Variants in BACH2 observed in about 807,000 individuals in gnomAD.
BACH2 encodes the protein BACH transcriptional regulator 2.
Under a neutral mutation model 61.8 loss-of-function variants are expected in BACH2, and 5 were observed. The observed-to-expected ratio is 0.08, with a 90% CI of 0.04 to 0.17. BACH2 has a LOEUF of 0.17. Among genes scored for constraint, BACH2 ranks in the 10% least tolerant of loss-of-function variants. The pLI is 1.00. For synonymous variants in BACH2, 446 were observed against 440.1 expected (o/e 1.01, Z -0.17); for missense variants, 824 against 1,091.1 (o/e 0.76, Z 3.45).
chr6:90,021,615 A>G (rs1778381003), intron 5 of BACH2, among the ~76,000 whole-genome samples: 1 of 152,238 alleles, frequency 6.6e-6, no homozygotes, highest in African/African-American at 2.4e-5. Flanking sequence ...TATTTACTGT[A>G]AAACTGTAAG....
At chr6:90,092,291 A>AAAAAAAAAAAAAAAAAAAATAT in intron 4 of BACH2, among the ~76,000 whole-genome samples, 3 of 113,838 alleles carry the variant, frequency 2.6e-5, no homozygotes, top group African/African-American at 1.1e-4. Flanking sequence ...AAAAAAAAAA[A>AAAAAAAAAAAAAAAAAAAATAT]ATATATATAT....
At chr6:90,010,058 A>G (rs1030783252) in intron 5 of BACH2, among the ~76,000 whole-genome samples, 7 of 152,266 alleles carry the variant, frequency 4.6e-5, no homozygotes, top group African/African-American at 1.7e-4. Context: ...GAATTCCAGT[A>G]GCGAGTCCTA....
intron 4 of BACH2, among the ~76,000 whole-genome samples, chr6:90,168,265 G>A (rs963130866): frequency 3.3e-5 from 5 of 152,018 alleles, no homozygotes; most frequent in Non-Finnish European, 7.4e-5. Context: ...GAGGCCAGAG[G>A]ACTGCTTGAG....
intron 4 of BACH2, among the ~76,000 whole-genome samples, chr6:90,176,697 C>T (rs977454085): frequency 6.6e-6 from 1 of 152,190 alleles, no homozygotes. Context: ...AACATCATCA[C>T]TTCCAAATCA....
At chr6:90,221,573 C>T (rs538000800) in intron 3 of BACH2, among the ~76,000 whole-genome samples, 114 of 152,262 alleles carry the variant, frequency 7.5e-4, no homozygotes, top group Non-Finnish European at 9.8e-4. Context: ...GAGGAGTCTA[C>T]TTAAGACGAC....
chr6:90,127,361 T>C (rs1783897869), intron 4 of BACH2, among the ~76,000 whole-genome samples: 1 of 152,222 alleles, frequency 6.6e-6, no homozygotes. Context: ...TCCCCCGGCC[T>C]CTGTTACAAC....
At chr6:90,214,307 G>T (rs1769454503) in intron 3 of BACH2, among the ~76,000 whole-genome samples, 1 of 151,696 alleles carries the variant, frequency 6.6e-6, no homozygotes, top group Admixed American at 6.6e-5. Context: ...TATGCTGAAA[G>T]AATCCCAGAC....
At chr6:90,091,486 C>T (rs1207151480) in intron 4 of BACH2, among the ~76,000 whole-genome samples, 1 of 152,128 alleles carries the variant, frequency 6.6e-6, no homozygotes, top group Non-Finnish European at 1.5e-5. Flanking sequence ...TAAAGCAGGT[C>T]TTACAGCCCC....
chr6:90,270,976 A>G, intron 2 of BACH2, among the ~76,000 whole-genome samples: 1 of 152,250 alleles, frequency 6.6e-6, no homozygotes, highest in East Asian at 1.9e-4. Flanking sequence ...TAAAGTGAGG[A>G]AAGAATACCC....
In BACH2 at chr6:89,929,711, G is replaced by A. The variant is rs906216809; in HGVS notation, c.*2697C>T. The A allele has an allele frequency of 6.6e-6, 1 of 152,370 alleles. No homozygotes were observed. The highest frequency in any genetic ancestry group is 6.5e-5 in the Admixed American group (1 of 15,280). The allele number at this position is 152,370 out of a possible 1,614,324, so 9.4% of individuals were successfully genotyped here. ...CCTGCTAGAAATGGCTGCCAAACAG[G>A]TCTGGGCTACTGAACCACAGAAACC... is the stretch of plus-strand genomic sequence containing the variant. On this transcript the variant is annotated 3_prime_UTR_variant, in exon 9 of 9. Transcript: ENST00000257749.
chr6:90,148,361 C>T (rs554671404), intron 4 of BACH2, among the ~76,000 whole-genome samples: 16 of 152,282 alleles, frequency 1.1e-4, no homozygotes, highest in Admixed American at 2.6e-4. Flanking sequence ...GGAAATATGA[C>T]AATATTGTAC....
chr6:90,030,524 C>G (rs1393359679), intron 5 of BACH2, among the ~76,000 whole-genome samples: 3 of 152,098 alleles, frequency 2.0e-5, no homozygotes, highest in Non-Finnish European at 2.9e-5. Context: ...AAGGGGATAT[C>G]ACCACCGATG....
At chr6:90,058,673 C>A (rs13213073) in intron 5 of BACH2, among the ~76,000 whole-genome samples, 1 of 152,126 alleles carries the variant, frequency 6.6e-6, no homozygotes, top group Non-Finnish European at 1.5e-5. Context: ...CAAGTCAATC[C>A]TAAGCCAAAA....
intron 4 of BACH2, among the ~76,000 whole-genome samples, chr6:90,200,829 A>G (rs977959295): frequency 9.2e-5 from 14 of 152,182 alleles, no homozygotes; most frequent in Non-Finnish European, 1.5e-4. Flanking sequence ...TTTAAAGATA[A>G]TTAGTATATT....
intron 4 of BACH2, among the ~76,000 whole-genome samples, chr6:90,170,600 T>C (rs1767780069): frequency 1.3e-5 from 2 of 152,230 alleles, no homozygotes; most frequent in South Asian, 2.1e-4. Flanking sequence ...TTAATATTTA[T>C]ACAAACCAAA....
chr6:90,291,582 C>CTT (rs529225392), intron 1 of BACH2, among the ~76,000 whole-genome samples: 2 of 135,708 alleles, frequency 1.5e-5, no homozygotes, highest in African/African-American at 5.4e-5. Flanking sequence ...CAACTACTGT[C>CTT]TTTTTTTTTT....
intron 3 of BACH2, among the ~76,000 whole-genome samples, chr6:90,209,983 C>T (rs962799689): frequency 7.9e-5 from 12 of 152,160 alleles, no homozygotes; most frequent in Middle Eastern, 3.4e-3. Context: ...GTTGCAGCTG[C>T]CTTTGGAGTT....
intron 5 of BACH2, among the ~76,000 whole-genome samples, chr6:90,019,397 C>G (rs926507143): frequency 3.9e-5 from 6 of 152,018 alleles, no homozygotes; most frequent in Non-Finnish European, 8.8e-5. Flanking sequence ...AGGAGTGGAC[C>G]AGGCATGTTT....
At chr6:89,939,641 T>C (rs1032709492) in intron 7 of BACH2, among the ~76,000 whole-genome samples, 6 of 149,068 alleles carry the variant, frequency 4.0e-5, no homozygotes, top group South Asian at 4.2e-4. Flanking sequence ...TGTTGTTAAA[T>C]GATTGCTTAT....
Sources: gnomAD v4.1 joint callset for allele counts (sites outside exome capture counted in the v4.1 genomes callset) on GRCh38, gnomAD v4.1.1 for gene constraint, MANE v1.5 for transcripts, NCBI Gene and HGNC (gene_info 2026-07-23, HGNC 2026-07-21) for gene names.